The following TENM1 variants were observed in gnomAD, a reference collection of about 807,000 sequenced individuals.
The protein encoded by TENM1 is teneurin transmembrane protein 1.
TENM1 carries 35 observed loss-of-function variants against 174.8 expected under a neutral mutation model. The observed-to-expected ratio is 0.20, with a 90% CI of 0.15 to 0.27. The LOEUF (loss-of-function observed/expected upper bound fraction) is 0.27. TENM1 is among the 10% of genes least tolerant of loss of function. The probability of loss-of-function intolerance (pLI) is 1.00; values close to 1 mark genes in which losing one functional copy is unlikely to be tolerated. For missense variants in TENM1, 1,633 were observed against 2,130.1 expected, an observed-to-expected ratio of 0.77 and a Z score of 4.59; for synonymous variants, 781 against 798.7, an observed-to-expected ratio of 0.98 and a Z score of 0.37.
chrX:125,063,927 T>G, the TENM1 span, among the ~76,000 whole-genome samples: 4 of 111,329 alleles, frequency 3.6e-5, no homozygotes, highest in African/African-American at 1.3e-4. Flanking sequence ...CCAACAATGA[T>G]AGACTGGATT....
intron 11 of TENM1, among the ~76,000 whole-genome samples, chrX:124,585,941 G>A (rs150755798): frequency 0.28 from 30,779 of 108,839 alleles, 3,740 homozygotes; most frequent in African/African-American, 0.42. Context: ...ATCTAGAAGA[G>A]ATGGATAAAT....
At chrX:124,541,784 TACTGCTCTCATCAA>T (rs2048326192) in intron 15 of TENM1, among the ~76,000 whole-genome samples, 2 of 112,304 alleles carry the variant, frequency 1.8e-5, no homozygotes, top group Admixed American at 1.9e-4. Flanking sequence ...AATTATTTGA[TACTGCTCTCATCAA>T]GAGGTGGGAT....
At chrX:125,144,761 A>G in the TENM1 span, among the ~76,000 whole-genome samples, 2 of 105,100 alleles carry the variant, frequency 1.9e-5, no homozygotes, top group East Asian at 6.0e-4. Context: ...TTTTTTTGAG[A>G]CAGTCTCACA....
At chrX:125,099,862 T>C in the TENM1 span, among the ~76,000 whole-genome samples, 1 of 111,927 alleles carries the variant, frequency 8.9e-6, no homozygotes, top group Non-Finnish European at 1.9e-5. Flanking sequence ...AAATTATCCT[T>C]TTAATAAACT....
rs1397802943 is a variant in TENM1, at chrX:124,407,517, G to A, written c.4983-1028C>T. Among the ~76,000 whole-genome samples the A allele has an allele frequency of 2.7e-5, 3 of 112,447 alleles. No individual in the cohort carries two copies. The Admixed American group carries it at 2.8e-4, about 11-fold the overall frequency. ...CTGGACACAATGGTAGAGACTGGCTGTACTACTCCCTCCCCCAACGATTAC... is the reference window on the plus strand; with the variant it reads ...CTGGACACAATGGTAGAGACTGGCTATACTACTCCCTCCCCCAACGATTAC... On this transcript the variant is annotated intron_variant, in intron 25 of 31. Transcript: ENST00000422452.
chrX:125,118,540 T>C, the TENM1 span, among the ~76,000 whole-genome samples: 3 of 111,283 alleles, frequency 2.7e-5, 1 homozygote, highest in South Asian at 3.8e-4. Flanking sequence ...ATCTAGAATA[T>C]ATAAAAGACT....
the TENM1 span, among the ~76,000 whole-genome samples, chrX:124,972,772 T>A: frequency 8.9e-6 from 1 of 112,191 alleles, no homozygotes; most frequent in South Asian, 3.7e-4. Flanking sequence ...CAGAAAATGA[T>A]GGCTTTCAAA....
chrX:124,950,517 T>C (rs1472378419), intron 1 of TENM1, among the ~76,000 whole-genome samples: 1 of 111,937 alleles, frequency 8.9e-6, no homozygotes, highest in Non-Finnish European at 1.9e-5. Context: ...AAATCAGTGA[T>C]CAACAAATAG....
At chrX:125,166,997 C>G in the TENM1 span, among the ~76,000 whole-genome samples, 2 of 111,689 alleles carry the variant, frequency 1.8e-5, no homozygotes, top group Non-Finnish European at 3.8e-5. Flanking sequence ...CGGATGCAGA[C>G]AGTAAGGCTA....
At chrX:124,561,606 T>G in intron 14 of TENM1, 65 bp downstream of exon 17, 1 of 1,169,451 alleles carries the variant, frequency 8.6e-7, no homozygotes. Flanking sequence ...TTGGCCAGGT[T>G]GATTACCACT....
intron 22 of TENM1, among the ~76,000 whole-genome samples, chrX:124,465,716 T>C (rs1011576584): frequency 4.6e-5 from 5 of 109,191 alleles, no homozygotes; most frequent in Non-Finnish European, 9.5e-5. Flanking sequence ...ATTTTCCCCC[T>C]TTTTTTTTCT....
At chrX:124,743,477 AGAG>A (rs2053847503) in intron 3 of TENM1, among the ~76,000 whole-genome samples, 1 of 111,862 alleles carries the variant, frequency 8.9e-6, no homozygotes, top group Non-Finnish European at 1.9e-5. Context: ...AGAGAAATAG[AGAG>A]GAGATATCAC....
intron 8 of TENM1, among the ~76,000 whole-genome samples, chrX:124,647,730 G>GGTGTGTGTGTGTGTGTGTGTGTGTTT (rs2051195879): frequency 9.6e-6 from 1 of 103,870 alleles, no homozygotes; most frequent in Non-Finnish European, 2.0e-5. Flanking sequence ...TTTTTTTTGT[G>GGTGTGTGTGTGTGTGTGTGTGTGTTT]GTGTGTGTGT....
intron 3 of TENM1, among the ~76,000 whole-genome samples, chrX:124,770,826 T>G (rs999151013): frequency 9.0e-6 from 1 of 111,630 alleles, no homozygotes; most frequent in African/African-American, 3.3e-5. Context: ...ATGGATCTTA[T>G]AGTTTATTCA....
the TENM1 span, among the ~76,000 whole-genome samples, chrX:125,187,034 G>A: frequency 8.9e-6 from 1 of 111,921 alleles, no homozygotes; most frequent in Admixed American, 9.5e-5. Flanking sequence ...AGGCTGAGGC[G>A]GGTGGATCAC....
At chrX:124,585,510 C>T (rs1466016325) in intron 11 of TENM1, among the ~76,000 whole-genome samples, 9 of 111,374 alleles carry the variant, frequency 8.1e-5, no homozygotes. Context: ...CACAACATAC[C>T]AGAATCTCTG....
chrX:124,420,400 T>G, exon 25 of TENM1: 1 of 1,212,187 alleles, frequency 8.2e-7, no homozygotes. Context: ...GATTATAGCC[T>G]TGGGCTGACA....
At chrX:124,954,240 T>G (rs1263089171) in intron 1 of TENM1, among the ~76,000 whole-genome samples, 1 of 111,471 alleles carries the variant, frequency 9.0e-6, no homozygotes, top group Non-Finnish European at 1.9e-5. Flanking sequence ...GGACTGTCAC[T>G]GACTGTGGTT....
chrX:124,761,889 CAAGTG>C (rs951917791), intron 3 of TENM1, among the ~76,000 whole-genome samples: 16 of 111,556 alleles, frequency 1.4e-4, no homozygotes, highest in African/African-American at 4.9e-4. Context: ...ATTCTGATTA[CAAGTG>C]AAGTGGAGCA....
Sources: allele counts gnomAD v4.1 joint callset (sites outside exome capture counted in the v4.1 genomes callset), GRCh38; gene constraint gnomAD v4.1.1; transcripts MANE v1.5; gene names NCBI Gene and HGNC (gene_info 2026-07-23, HGNC 2026-07-21).